Variants in ADGRE3 observed in about 807,000 individuals in gnomAD.
ADGRE3 encodes the protein EGF-like module receptor 3.
Under a neutral mutation model 80.1 loss-of-function variants are expected in ADGRE3, and 88 were observed. The observed-to-expected ratio is 1.10, with a 90% confidence interval of 0.93 to 1.31. The LOEUF (loss-of-function observed/expected upper bound fraction) is 1.31. ADGRE3 is among the 40% of genes most tolerant of loss of function. The pLI is 0.00. For synonymous variants in ADGRE3, 281 were observed against 294.8 expected, an observed-to-expected ratio of 0.95 and a Z score of 0.48; for missense variants, 715 against 776.5, an observed-to-expected ratio of 0.92 and a Z score of 0.94.
chr19:14,620,332 A>G (rs1461834664), intron 15 of ADGRE3, among the ~76,000 whole-genome samples: 1 of 145,520 alleles, frequency 6.9e-6, no homozygotes, highest in Non-Finnish European at 1.5e-5. Flanking sequence ...GATTACTGGC[A>G]TGAGCCACCA....
At chr19:14,668,244 C>CT (rs1377637593) in intron 2 of ADGRE3, among the ~76,000 whole-genome samples, 1 of 152,068 alleles carries the variant, frequency 6.6e-6, no homozygotes, top group Non-Finnish European at 1.5e-5. Flanking sequence ...GAGTGAGACT[C>CT]TGTCTCAAAA....
downstream of ADGRE3, among the ~76,000 whole-genome samples, chr19:14,618,398 A>T (rs760592837): frequency 6.6e-6 from 1 of 151,968 alleles, no homozygotes; most frequent in Non-Finnish European, 1.5e-5. Flanking sequence ...TCCACTAAAA[A>T]TACAAAATTA....
chr19:14,639,191 C>T lies in ADGRE3; in HGVS notation c.1249-851G>A, dbSNP rs191470323. Among the ~76,000 whole-genome samples, 51 of 152,164 alleles carry T rather than the reference C, an allele frequency of 3.4e-4. No homozygotes were observed. In the East Asian group the frequency reaches 7.7e-3, roughly 23 times the overall value. ...ACAAGCATGAACCGCCACCCCAGTC[C>T]TAAAAGAGTGAATTTTAAATGTTTT... On this transcript the variant is annotated intron_variant, in intron 10 of 15. Transcript: ENST00000253673.
intron 7 of ADGRE3, 85 bp downstream of exon 7, chr19:14,651,000 G>T: frequency 7.0e-7 from 1 of 1,437,994 alleles, no homozygotes; most frequent in Non-Finnish European, 9.7e-7. Flanking sequence ...CCCATGAGGG[G>T]AGAGCCCAGT....
rs886314157 is a variant in ADGRE3 at position 14,658,592 on chromosome 19, G to A, written c.356-42C>T. The A allele has an allele frequency of 5.3e-6, 8 of 1,495,798 alleles. No homozygotes were observed. In the African/African-American group the frequency reaches 8.6e-5, roughly 16 times the overall value. 92.7% of individuals were successfully genotyped at this position (1,495,798 alleles called of 1,614,324 possible). Reference sequence around the variant, plus strand: ...GATGGAGTTACTATTGGAACTGAGAGTGACCAGGCAGAGGGGTGGGCAGGT... The same window carrying A: ...GATGGAGTTACTATTGGAACTGAGAATGACCAGGCAGAGGGGTGGGCAGGT... On this transcript the variant is annotated intron_variant, in intron 4 of 15. Coordinates refer to ENST00000253673, the MANE Select transcript of ADGRE3 (RefSeq NM_032571.5).
At chr19:14,652,376 T>A (rs555346350) in intron 6 of ADGRE3, among the ~76,000 whole-genome samples, 1 of 152,086 alleles carries the variant, frequency 6.6e-6, no homozygotes, top group East Asian at 1.9e-4. Flanking sequence ...ATGGAAATCG[T>A]TGAATTGGGT....
chr19:14,608,662 C>G, the ADGRE3 span, among the ~76,000 whole-genome samples: 2 of 130,578 alleles, frequency 1.5e-5, no homozygotes, highest in African/African-American at 5.9e-5. Flanking sequence ...GAGACAGAGT[C>G]TCACTCTGTT....
chr19:14,661,825 G>A lies in ADGRE3; in HGVS notation c.355+138C>T, dbSNP rs186914534. On this transcript the variant is annotated intron_variant, in intron 4 of 15. Coordinates refer to ENST00000253673, the MANE Select transcript of ADGRE3 (RefSeq NM_032571.5). ...TGAGACAGGAGAATCGCTTGAGCCCGGGAGGCGGAGGTTTCAGCCACTGCA... is the reference window on the plus strand; with the variant it reads ...TGAGACAGGAGAATCGCTTGAGCCCAGGAGGCGGAGGTTTCAGCCACTGCA... 4.0e-5 allele frequency: 32 copies of A among 802,612 alleles called. No individual in the cohort carries two copies. The Middle Eastern group carries it at 1.4e-3, about 34-fold the overall frequency. 49.7% of individuals were successfully genotyped at this position (802,612 alleles called of 1,614,324 possible).
At chr19:14,610,302 G>A in the ADGRE3 span, 24 of 1,466,210 alleles carry the variant, frequency 1.6e-5, no homozygotes, top group Admixed American at 4.0e-4. Flanking sequence ...ACACACAGAT[G>A]TGCCTCAAAC....
intron 3 of ADGRE3, among the ~76,000 whole-genome samples, chr19:14,662,993 A>G (rs1945928518): frequency 6.7e-6 from 1 of 149,752 alleles, no homozygotes; most frequent in African/African-American, 2.5e-5. Flanking sequence ...CAGGAGTTGG[A>G]GGCTGCAGTG....
intron 2 of ADGRE3, among the ~76,000 whole-genome samples, chr19:14,667,735 G>A (rs887919059): frequency 2.6e-5 from 4 of 152,138 alleles, no homozygotes; most frequent in African/African-American, 9.7e-5. Context: ...TGTAAATGTC[G>A]AGTTGATGGG....
chr19:14,612,962 G>A, the ADGRE3 span, among the ~76,000 whole-genome samples: 1 of 150,122 alleles, frequency 6.7e-6, no homozygotes. Flanking sequence ...GTCTTGCTCT[G>A]TTGCCCAGGC....
chr19:14,663,658 C>T, intron 2 of ADGRE3, 118 bp from the exon 3 acceptor site: 2 of 1,239,878 alleles, frequency 1.6e-6, no homozygotes, highest in Non-Finnish European at 2.2e-6. Context: ...GGCCAACATA[C>T]TGAAACCCCA....
chr19:14,602,084 G>A, the ADGRE3 span, among the ~76,000 whole-genome samples: 6 of 151,578 alleles, frequency 4.0e-5, no homozygotes, highest in Non-Finnish European at 8.8e-5. Flanking sequence ...GAGCCACCGC[G>A]CCTGGCCCAG....
chr19:14,616,805 T>G (rs1246733794), downstream of ADGRE3, among the ~76,000 whole-genome samples: 1 of 151,210 alleles, frequency 6.6e-6, no homozygotes, highest in East Asian at 1.9e-4. Flanking sequence ...TTTTTTTTTT[T>G]TTTTTTGAGA....
intron 5 of ADGRE3, among the ~76,000 whole-genome samples, chr19:14,657,594 T>G (rs1267028015): frequency 1.3e-5 from 2 of 151,880 alleles, no homozygotes; most frequent in Non-Finnish European, 2.9e-5. Context: ...AGAGCCCTCT[T>G]GGTATACGCA....
chr19:14,609,794 C>T, the ADGRE3 span, among the ~76,000 whole-genome samples: 10 of 151,638 alleles, frequency 6.6e-5, no homozygotes, highest in East Asian at 1.9e-4. Context: ...GCCGAGATCA[C>T]GCCACTGCAC....
At chr19:14,649,602 A>C (rs1599634826) in intron 7 of ADGRE3, among the ~76,000 whole-genome samples, 4 of 97,470 alleles carry the variant, frequency 4.1e-5, no homozygotes, top group Admixed American at 1.1e-4. Context: ...CTCTCTTTCG[A>C]TCTCTGTCTT....
chr19:14,641,276 G>A (rs1474334213), intron 10 of ADGRE3, 143 bp downstream of exon 10: 9 of 974,138 alleles, frequency 9.2e-6, no homozygotes, highest in South Asian at 1.6e-5. Flanking sequence ...TCCCAGCTAC[G>A]ATCTCAGAAG....
Sources: allele counts gnomAD v4.1 joint callset (sites outside exome capture counted in the v4.1 genomes callset), GRCh38; gene constraint gnomAD v4.1.1; transcripts MANE v1.5; gene names NCBI Gene and HGNC (gene_info 2026-07-23, HGNC 2026-07-21).